The following COL4A3 variants were observed in gnomAD, a reference collection of about 807,000 sequenced individuals.
The protein encoded by COL4A3 is collagen alpha-3(IV) chain.
Under a neutral mutation model 217.4 loss-of-function variants are expected in COL4A3, and 135 were observed. The observed-to-expected ratio is 0.62, with a 90% CI of 0.54 to 0.72. The LOEUF (loss-of-function observed/expected upper bound fraction) is 0.72, where lower values mean the gene tolerates loss of function less well. Ranked by LOEUF, COL4A3 falls within the 30% of genes least tolerant of loss-of-function variation. The probability of loss-of-function intolerance (pLI) is 0.00; values close to 1 mark genes in which losing one functional copy is unlikely to be tolerated. For synonymous variants in COL4A3, 690 were observed against 736.3 expected, an observed-to-expected ratio of 0.94 and a Z score of 1.02; for missense variants, 1,868 against 2,119.9, an observed-to-expected ratio of 0.88 and a Z score of 2.33.
At chr2:227,195,586 G>A (rs567031127) in intron 1 of COL4A3, among the ~76,000 whole-genome samples, 4 of 151,810 alleles carry the variant, frequency 2.6e-5, no homozygotes, top group South Asian at 4.2e-4. Flanking sequence ...ACTTGATAAT[G>A]ACGATAAATA....
chr2:227,192,410 C>T (rs1309081127), intron 1 of COL4A3, among the ~76,000 whole-genome samples: 1 of 152,240 alleles, frequency 6.6e-6, no homozygotes, highest in Non-Finnish European at 1.5e-5. Context: ...TCATTTTCCT[C>T]AGACCCTGAC....
intron 7 of COL4A3, 53 bp downstream of exon 7, chr2:227,246,791 G>A (rs772893456): frequency 6.9e-7 from 1 of 1,456,072 alleles, no homozygotes; most frequent in Non-Finnish European, 9.7e-7. Flanking sequence ...AAATAACAGT[G>A]GTCTACTCCA....
intron 26 of COL4A3, among the ~76,000 whole-genome samples, chr2:227,275,338 G>A (rs2071493741): frequency 6.6e-6 from 1 of 152,022 alleles, no homozygotes; most frequent in African/African-American, 2.4e-5. Context: ...ACACCACCAG[G>A]CCTGATTAAT....
intron 47 of COL4A3, among the ~76,000 whole-genome samples, chr2:227,306,653 T>C (rs149978284): frequency 2.6e-4 from 40 of 151,988 alleles, no homozygotes; most frequent in Middle Eastern, 3.4e-3. Context: ...TCAGAGAAAA[T>C]TGAAAAAATG....
In COL4A3 at chr2:227,203,013, ATG is replaced by A. The variant is rs1210241109; in HGVS notation, c.88-34951_88-34950del. On this transcript the variant is annotated intron_variant, in intron 1 of 51. Coordinates refer to ENST00000396578, the MANE Select transcript of COL4A3 (RefSeq NM_000091.5). ...TGTATATATGTGTATATATACATAT[ATG>A]TGTATATATGTGTATATATACATAT... Among the ~76,000 whole-genome samples, 2 of 44,176 alleles carry A rather than the reference ATG, an allele frequency of 4.5e-5. 1 individual carries two copies. Among genetic ancestry groups the A allele is most frequent in the Non-Finnish European group, 8.4e-5 (2 of 23,756 alleles). The allele number at this position is 44,176 out of a possible 152,430, so 29.0% of individuals were successfully genotyped here.
chr2:227,199,260 A>G (rs1159142247), intron 1 of COL4A3, among the ~76,000 whole-genome samples: 1 of 152,184 alleles, frequency 6.6e-6, no homozygotes, highest in Non-Finnish European at 1.5e-5. Context: ...CAGTAGTTTT[A>G]TAGCAGAGTT....
chr2:227,246,276 A>C, intron 6 of COL4A3: 1 of 545,382 alleles, frequency 1.8e-6, no homozygotes, highest in Non-Finnish European at 3.3e-6. Context: ...CTGTGTGTAT[A>C]AATCAGAAAC....
intron 9 of COL4A3, among the ~76,000 whole-genome samples, chr2:227,249,788 G>A (rs2069624373): frequency 6.6e-6 from 1 of 152,196 alleles, no homozygotes; most frequent in South Asian, 2.1e-4. Flanking sequence ...AAACATTTAA[G>A]AGTCCAGATG....
chr2:227,176,936 A>T (rs940249247), intron 1 of COL4A3, among the ~76,000 whole-genome samples: 1 of 152,022 alleles, frequency 6.6e-6, no homozygotes, highest in Non-Finnish European at 1.5e-5. Context: ...TGCTGGCTTT[A>T]AAAAAAAGTT....
In COL4A3 at chr2:227,289,984, T is replaced by A. The variant is rs368070626; in HGVS notation, c.2981-15T>A. ...AGGAACTGTGCAGGGCAATAACTACTTATTTGTTCTCAAGGCCCCAGAGGA... is the reference window on the plus strand; with the variant it reads ...AGGAACTGTGCAGGGCAATAACTACATATTTGTTCTCAAGGCCCCAGAGGA... On this transcript the variant is annotated splice_polypyrimidine_tract_variant and intron_variant, in intron 35 of 51. Coordinates refer to ENST00000396578, the MANE Select transcript of COL4A3 (RefSeq NM_000091.5). 3 of 1,612,590 alleles carry A rather than the reference T, an allele frequency of 1.9e-6. No individual in the cohort carries two copies. Among genetic ancestry groups the A allele is most frequent in the Non-Finnish European group, 2.5e-6 (3 of 1,178,728 alleles).
At chr2:227,279,733 T>C (rs1217168785) in intron 28 of COL4A3, 60 bp from the exon 29 acceptor site, 1 of 1,186,546 alleles carries the variant, frequency 8.4e-7, no homozygotes, top group African/African-American at 1.5e-5. Context: ...AGAGAGTTAC[T>C]GCTCAGAATA....
intron 1 of COL4A3, among the ~76,000 whole-genome samples, chr2:227,195,284 G>GAC (rs1245644054): frequency 3.2e-5 from 2 of 61,848 alleles, no homozygotes; most frequent in African/African-American, 7.0e-5. Context: ...CCCAAATCCT[G>GAC]AAAAAAAAAT....
intron 1 of COL4A3, among the ~76,000 whole-genome samples, chr2:227,218,080 C>CTATATATATATATATAGCTATATA (rs2067599035): frequency 5.1e-5 from 6 of 118,378 alleles, no homozygotes; most frequent in African/African-American, 1.8e-4. Flanking sequence ...ATATATATAG[C>CTATATATATATATATAGCTATATA]TATATATATA....
At chr2:227,202,505 G>A (rs1270047807) in intron 1 of COL4A3, among the ~76,000 whole-genome samples, 2 of 151,738 alleles carry the variant, frequency 1.3e-5, no homozygotes, top group African/African-American at 4.8e-5. Flanking sequence ...AGCACTTTGG[G>A]AGGCCGAGGC....
Position 227,297,722 on chromosome 2 carries a change from G to C in COL4A3, c.3614G>C (p.Arg1205Thr), listed in dbSNP as rs747299532. ...CCAGGTTTTCCTGGCCTCCCGGGCAGAAAAGGGGCCATGGGAGATGCTGGA... is the reference window on the plus strand; with the variant it reads ...CCAGGTTTTCCTGGCCTCCCGGGCACAAAAGGGGCCATGGGAGATGCTGGA... The part of the protein sequence containing the change: ...GAPGFPGLPG[R>T]KGAMGDAGPR... The change falls in exon 42 of 52, where the codon AGA becomes ACA. Residue 1205 changes from arginine (R) to threonine (T), a missense_variant. Transcript: ENST00000396578. 6.2e-7 allele frequency: 1 copy of C among 1,608,630 alleles called. No individual in the cohort carries two copies. The highest frequency in any genetic ancestry group is 8.5e-7 in the Non-Finnish European group (1 of 1,178,104).
chr2:227,174,789 G>A (rs2065618041), intron 1 of COL4A3, among the ~76,000 whole-genome samples: 1 of 152,202 alleles, frequency 6.6e-6, no homozygotes. Context: ...TTATAGGCGT[G>A]AGCCCCTGCA....
chr2:227,211,235 G>C (rs2067309815), intron 1 of COL4A3, among the ~76,000 whole-genome samples: 1 of 151,692 alleles, frequency 6.6e-6, no homozygotes, highest in East Asian at 1.9e-4. Context: ...TCTTGACCTC[G>C]TGATCCGCCC....
Position 227,164,686 on chromosome 2 carries a change from A to T in COL4A3, c.-41A>T, listed in dbSNP as rs1377123648. 4 of 1,529,402 alleles carry T rather than the reference A, an allele frequency of 2.6e-6. No homozygotes were observed. Among genetic ancestry groups the T allele is most frequent in the Admixed American group, 2.0e-5 (1 of 50,844 alleles). The allele number at this position is 1,529,402 out of a possible 1,614,324, so 94.7% of individuals were successfully genotyped here. On this transcript the variant is annotated 5_prime_UTR_variant, in exon 1 of 52. Transcript: ENST00000396578. This position sits in a 1 kb window ranked among gnomAD's most constrained non-coding sequence, Gnocchi z 4.8. ...GGAGACGCGGTGGCCTGAGAGCCTG[A>T]GGGTCCCCGGACTCGCCCAGGCTCT... is the stretch of plus-strand genomic sequence containing the variant.
intron 17 of COL4A3, 128 bp from the exon 18 acceptor site, chr2:227,257,475 A>G: frequency 1.3e-6 from 1 of 786,928 alleles, no homozygotes; most frequent in South Asian, 1.5e-5. Context: ...TGTCTCTTTA[A>G]CTTTAATTTG....
Sources: gnomAD v4.1 joint callset for allele counts (sites outside exome capture counted in the v4.1 genomes callset) on GRCh38, gnomAD v4.1.1 for gene constraint, Gnocchi (gnomAD v3.1) non-coding constraint, MANE v1.5 for transcripts, NCBI Gene and HGNC (gene_info 2026-07-23, HGNC 2026-07-21) for gene names.